NTN4: variants seen among roughly 807,000 people sequenced by gnomAD.
The protein encoded by NTN4 is netrin-4.
In NTN4, 32 loss-of-function variants were observed where a neutral mutation model predicts 73.6. The observed-to-expected ratio is 0.44, with a 90% CI of 0.33 to 0.58. NTN4 has a LOEUF of 0.58. Ranked by LOEUF, NTN4 falls within the 20% of genes least tolerant of loss-of-function variation. NTN4 has a pLI of 0.04. For synonymous variants in NTN4, 258 were observed against 287.5 expected (o/e 0.90, Z 1.04); for missense variants, 654 against 798.3 (o/e 0.82, Z 2.18).
At chr12:95,787,684 G>A (rs957216277) in intron 1 of NTN4, among the ~76,000 whole-genome samples, 1 of 152,192 alleles carries the variant, frequency 6.6e-6, no homozygotes, top group African/African-American at 2.4e-5. Context: ...GTGCGTGTGT[G>A]TGTGTATTTG....
intron 3 of NTN4, among the ~76,000 whole-genome samples, chr12:95,734,983 G>A (rs2078764534): frequency 1.3e-5 from 2 of 152,182 alleles, no homozygotes; most frequent in Non-Finnish European, 2.9e-5. Flanking sequence ...AGGTTATGGT[G>A]AGCCAAGATC....
intron 9 of NTN4, chr12:95,665,552 T>G (rs550720806): frequency 3.3e-5 from 9 of 269,364 alleles, no homozygotes; most frequent in Admixed American, 1.0e-4. Context: ...CTGGAACCAA[T>G]CTGAGCCTCC....
chr12:95,719,455 C>T (rs536901717), intron 3 of NTN4, among the ~76,000 whole-genome samples: 1 of 152,182 alleles, frequency 6.6e-6, no homozygotes, highest in African/African-American at 2.4e-5. Flanking sequence ...TGCTATACAG[C>T]AATTGAAGAC....
At chr12:95,771,650 C>T (rs907096284) in intron 2 of NTN4, among the ~76,000 whole-genome samples, 2 of 152,008 alleles carry the variant, frequency 1.3e-5, no homozygotes, top group Non-Finnish European at 2.9e-5. Context: ...TTGCTCCTAT[C>T]GCTGAAATTT....
intron 3 of NTN4, among the ~76,000 whole-genome samples, chr12:95,735,511 A>T (rs1198236811): frequency 6.6e-6 from 1 of 152,220 alleles, no homozygotes; most frequent in Non-Finnish European, 1.5e-5. Flanking sequence ...ATTGCTTCCA[A>T]TTTCAAAGCA....
intron 3 of NTN4, among the ~76,000 whole-genome samples, chr12:95,723,288 TG>T (rs1322507195): frequency 1.6e-5 from 2 of 127,696 alleles, no homozygotes; most frequent in Non-Finnish European, 3.8e-5. Flanking sequence ...CCACTCCCTG[TG>T]CCCACCACCA....
intron 3 of NTN4, among the ~76,000 whole-genome samples, chr12:95,731,219 T>C (rs939124345): frequency 2.6e-5 from 4 of 152,172 alleles, no homozygotes; most frequent in Non-Finnish European, 5.9e-5. Context: ...TCATACCTTC[T>C]AGGGTTATAG....
At chr12:95,726,487 G>C (rs75060265) in intron 3 of NTN4, among the ~76,000 whole-genome samples, 3,356 of 152,246 alleles carry the variant, frequency 0.022, 49 homozygotes, top group Middle Eastern at 0.065. Flanking sequence ...CCATTGTATA[G>C]ACATACCATA....
chr12:95,713,077 G>T, intron 4 of NTN4, 135 bp downstream of exon 4: 1 of 989,406 alleles, frequency 1.0e-6, no homozygotes, highest in Non-Finnish European at 1.4e-6. Flanking sequence ...AGTGGGCAGT[G>T]ATATGGCTAT....
At chr12:95,682,111 G>C (rs1428950928) in intron 7 of NTN4, among the ~76,000 whole-genome samples, 1 of 111,872 alleles carries the variant, frequency 8.9e-6, no homozygotes, top group Non-Finnish European at 1.7e-5. Context: ...TACCCAGGCT[G>C]GAATGCAGTG....
In NTN4 at chr12:95,715,883, G is replaced by A. The variant is rs570544719; in HGVS notation, c.865-2545C>T. Among the ~76,000 whole-genome samples, 42 of 152,134 alleles carry A rather than the reference G, an allele frequency of 2.8e-4. No individual in the cohort carries two copies. In the Middle Eastern group the frequency reaches 0.014, roughly 50 times the overall value. On this transcript the variant is annotated intron_variant, in intron 3 of 9. Coordinates refer to ENST00000343702, the MANE Select transcript of NTN4 (RefSeq NM_021229.4). ...TCTGTAAAAGCTCTCAGGAAAAGTT[G>A]ATGATTCTTTGTTTTACTTGTAGTA...
intron 1 of NTN4, 71 bp from the exon 2 acceptor site, chr12:95,787,539 C>G: frequency 2.1e-6 from 3 of 1,461,516 alleles, no homozygotes; most frequent in Non-Finnish European, 2.8e-6. Context: ...CCTAGTCCAT[C>G]AACAACAGTC....
intron 3 of NTN4, among the ~76,000 whole-genome samples, chr12:95,737,546 G>T (rs754701647): frequency 6.6e-5 from 10 of 152,090 alleles, no homozygotes; most frequent in African/African-American, 2.2e-4. Context: ...GTCAAAGCTG[G>T]CTTGTGTGTG....
chr12:95,745,106 T>C (rs1330205262), intron 2 of NTN4, among the ~76,000 whole-genome samples: 1 of 152,144 alleles, frequency 6.6e-6, no homozygotes, highest in Non-Finnish European at 1.5e-5. Context: ...TTTTAAACAA[T>C]TTGATTGTTA....
At chr12:95,704,688 C>A (rs1200268794) in intron 5 of NTN4, among the ~76,000 whole-genome samples, 2 of 152,144 alleles carry the variant, frequency 1.3e-5, no homozygotes, top group Non-Finnish European at 2.9e-5. Flanking sequence ...GGATCTACTG[C>A]AGGCTCAGAA....
intron 7 of NTN4, chr12:95,672,180 G>A (rs947738112): frequency 2.0e-6 from 1 of 511,002 alleles, no homozygotes; most frequent in Non-Finnish European, 3.5e-6. Flanking sequence ...AAATTGTCGA[G>A]CACGCAGGCG....
At chr12:95,662,786 C>T (rs1445809733) in intron 9 of NTN4, among the ~76,000 whole-genome samples, 1 of 152,090 alleles carries the variant, frequency 6.6e-6, no homozygotes, top group Non-Finnish European at 1.5e-5. Flanking sequence ...AAATAATAAA[C>T]TCCTCATTTA....
At chr12:95,750,897 C>T (rs1308765169) in intron 2 of NTN4, among the ~76,000 whole-genome samples, 9 of 151,310 alleles carry the variant, frequency 5.9e-5, no homozygotes, top group African/African-American at 2.2e-4. Context: ...CTAGCCCTCC[C>T]CCACCTGCCC....
intron 3 of NTN4, among the ~76,000 whole-genome samples, chr12:95,726,023 C>T (rs7299051): frequency 0.093 from 14,090 of 151,712 alleles, 1,833 homozygotes; most frequent in African/African-American, 0.3. Flanking sequence ...TATATTTATT[C>T]TGTAAAATTC....
Sources: allele counts gnomAD v4.1 joint callset (sites outside exome capture counted in the v4.1 genomes callset), GRCh38; gene constraint gnomAD v4.1.1; transcripts MANE v1.5; gene names NCBI Gene and HGNC (gene_info 2026-07-23, HGNC 2026-07-21).